Variants in GPC5 observed in about 807,000 individuals in gnomAD.
GPC5 encodes the protein glypican-5.
GPC5 carries 47 observed loss-of-function variants against 53.9 expected under a neutral mutation model. The observed-to-expected ratio is 0.87, with a 90% CI of 0.69 to 1.11. The LOEUF (loss-of-function observed/expected upper bound fraction) is 1.11. Ranked by LOEUF, GPC5 falls within the 50% of genes most tolerant of loss-of-function variation. The pLI is 0.00. For synonymous variants in GPC5, 286 were observed against 263.3 expected, an observed-to-expected ratio of 1.09 and a Z score of -0.84; for missense variants, 748 against 713.1, an observed-to-expected ratio of 1.05 and a Z score of -0.56.
intron 7 of GPC5, among the ~76,000 whole-genome samples, chr13:92,794,124 G>A (rs555597240): frequency 6.9e-4 from 105 of 151,948 alleles, no homozygotes; most frequent in South Asian, 1.9e-3. Flanking sequence ...ACAACAAAGC[G>A]AAAATCCTCA....
chr13:92,393,088 A>C (rs1011305850), intron 7 of GPC5, among the ~76,000 whole-genome samples: 2 of 152,192 alleles, frequency 1.3e-5, no homozygotes, highest in Non-Finnish European at 2.9e-5. Flanking sequence ...CATCATAAAG[A>C]CACATGCATG....
intron 2 of GPC5, among the ~76,000 whole-genome samples, chr13:91,634,252 TG>T (rs2034230790): frequency 6.6e-6 from 1 of 152,064 alleles, no homozygotes; most frequent in South Asian, 2.1e-4. Flanking sequence ...ATATAAAATA[TG>T]TTGGGTATTA....
At chr13:91,726,325 A>G (rs2139997308) in intron 3 of GPC5, among the ~76,000 whole-genome samples, 1 of 152,282 alleles carries the variant, frequency 6.6e-6, no homozygotes, top group East Asian at 1.9e-4. Flanking sequence ...AAAGTCTATT[A>G]ACAGTTTACT....
At chr13:91,820,840 G>A (rs2038482023) in intron 5 of GPC5, among the ~76,000 whole-genome samples, 1 of 152,228 alleles carries the variant, frequency 6.6e-6, no homozygotes, top group Non-Finnish European at 1.5e-5. Context: ...GTGGGCGCCT[G>A]TAGTCACAGC....
chr13:92,307,378 C>T (rs986902069), intron 7 of GPC5, among the ~76,000 whole-genome samples: 1 of 152,062 alleles, frequency 6.6e-6, no homozygotes, highest in African/African-American at 2.4e-5. Context: ...CGCTTGAACT[C>T]GGGAGGCAGA....
At position 92,295,297 on chromosome 13, in the gene GPC5, C is replaced by G. The variant is rs544775795; in HGVS notation, c.1561+150308C>G. On this transcript the variant is annotated intron_variant, in intron 7 of 7. Transcript: ENST00000377067. ...GACCCAATGATCATTCAGGAACAGGCTATTTAATTTCTATGTATTTGCATG... is the reference window on the plus strand; with the variant it reads ...GACCCAATGATCATTCAGGAACAGGGTATTTAATTTCTATGTATTTGCATG... 1.3e-4 allele frequency among the ~76,000 whole-genome samples: 20 copies of G among 152,272 alleles called. No homozygotes were observed. In the South Asian group the frequency reaches 4.1e-3, roughly 32 times the overall value.
intron 6 of GPC5, among the ~76,000 whole-genome samples, chr13:92,035,016 A>G (rs2040881430): frequency 6.6e-6 from 1 of 152,202 alleles, no homozygotes; most frequent in Non-Finnish European, 1.5e-5. Flanking sequence ...TTTGAATTTC[A>G]TAACTAATAT....
chr13:92,559,330 ATGTGTGTGTGTGTGTGTG>A (rs5805755), intron 7 of GPC5, among the ~76,000 whole-genome samples: 4 of 143,024 alleles, frequency 2.8e-5, no homozygotes, highest in African/African-American at 1.0e-4. Context: ...TAGTGTGTAT[ATGTGTGTGTGTGTGTGTG>A]TGTGTGTGTG....
At chr13:92,754,266 G>A (rs1368943843) in intron 7 of GPC5, among the ~76,000 whole-genome samples, 4 of 152,122 alleles carry the variant, frequency 2.6e-5, no homozygotes, top group Non-Finnish European at 4.4e-5. Flanking sequence ...ATATTTTACA[G>A]ACAAGCAAAT....
chr13:91,456,273 G>GGATCCTGTATACACT (rs1441923195), intron 2 of GPC5, among the ~76,000 whole-genome samples: 1 of 151,898 alleles, frequency 6.6e-6, no homozygotes, highest in Non-Finnish European at 1.5e-5. Context: ...TCCTGTATAA[G>GGATCCTGTATACACT]GTATAGACAA....
At chr13:92,502,729 A>G (rs1227725189) in intron 7 of GPC5, among the ~76,000 whole-genome samples, 1 of 152,030 alleles carries the variant, frequency 6.6e-6, no homozygotes, top group East Asian at 1.9e-4. Context: ...AAACACAAAC[A>G]GACACATTCC....
At chr13:92,799,084 T>C (rs1876806936) in intron 7 of GPC5, among the ~76,000 whole-genome samples, 1 of 151,790 alleles carries the variant, frequency 6.6e-6, no homozygotes, top group African/African-American at 2.4e-5. Context: ...CTGATTTTTT[T>C]TTCATTTAAT....
intron 7 of GPC5, among the ~76,000 whole-genome samples, chr13:92,737,322 G>T (rs1013418623): frequency 6.6e-6 from 1 of 152,026 alleles, no homozygotes; most frequent in Non-Finnish European, 1.5e-5. Flanking sequence ...GGCCACTTAA[G>T]TAGCTCATGT....
At chr13:92,553,479 A>G (rs1882390846) in intron 7 of GPC5, among the ~76,000 whole-genome samples, 1 of 151,982 alleles carries the variant, frequency 6.6e-6, no homozygotes, top group Admixed American at 6.6e-5. Context: ...AGACATTATG[A>G]TACAAATCTA....
chr13:91,588,708 C>G (rs2032688411), intron 2 of GPC5, among the ~76,000 whole-genome samples: 1 of 152,108 alleles, frequency 6.6e-6, no homozygotes, highest in African/African-American at 2.4e-5. Flanking sequence ...GACTTGTGCT[C>G]TTGATCTCTC....
chr13:91,432,431 C>T (rs1226116971), intron 1 of GPC5, among the ~76,000 whole-genome samples: 1 of 152,088 alleles, frequency 6.6e-6, no homozygotes, highest in Non-Finnish European at 1.5e-5. Flanking sequence ...AAAGTTAAAA[C>T]TTAAGTATGT....
At chr13:92,138,011 G>A (rs561790555) in intron 6 of GPC5, among the ~76,000 whole-genome samples, 1 of 152,270 alleles carries the variant, frequency 6.6e-6, no homozygotes, top group East Asian at 1.9e-4. Context: ...CTGTGTGTGT[G>A]TTGGGAGTAG....
At chr13:91,971,207 G>C (rs2040238673) in intron 6 of GPC5, among the ~76,000 whole-genome samples, 1 of 152,132 alleles carries the variant, frequency 6.6e-6, no homozygotes, top group African/African-American at 2.4e-5. Context: ...GGGTGTATGT[G>C]TCGAGGAATT....
chr13:92,385,519 C>CTTATACATATATACAT (rs1874617918), intron 7 of GPC5, among the ~76,000 whole-genome samples: 1 of 74,182 alleles, frequency 1.3e-5, no homozygotes, highest in East Asian at 4.5e-4. Flanking sequence ...TATATACATA[C>CTTATACATATATACAT]ATATGCATAT....
Sources: gnomAD v4.1 joint callset for allele counts (sites outside exome capture counted in the v4.1 genomes callset) on GRCh38, gnomAD v4.1.1 for gene constraint, MANE v1.5 for transcripts, NCBI Gene and HGNC (gene_info 2026-07-23, HGNC 2026-07-21) for gene names.